The following FAM216A variants were observed in gnomAD, a reference collection of about 807,000 sequenced individuals.
The protein encoded by FAM216A is protein FAM216A.
Under a neutral mutation model 37.6 loss-of-function variants are expected in FAM216A, and 26 were observed. The ratio of observed to expected loss-of-function variants is 0.69; its 90% CI spans 0.51 to 0.96. FAM216A has a LOEUF of 0.96. FAM216A is among the 40% of genes least tolerant of loss of function. FAM216A has a pLI of 0.00. For synonymous variants in FAM216A, 110 were observed against 121.7 expected (o/e 0.90, Z 0.64); for missense variants, 326 against 339.3 (o/e 0.96, Z 0.31).
At position 110,486,590 on chromosome 12, in the gene FAM216A, T is replaced by G. The variant is rs141692297; in HGVS notation, c.493T>G (p.Tyr165Asp). The stretch of plus-strand genomic sequence containing the variant: ...CTCCCGTTACTCACAGAAACAGCAT[T>G]ACCCTTGCACTACATGGCGACATCA... The part of the protein sequence containing the change: ...LSSRYSQKQH[Y>D]PCTTWRHQLE... Residue 165 changes from tyrosine to aspartate, a missense_variant, in exon 5 of 7, where the codon TAC becomes GAC. Tyr to Asp is a radical substitution (Grantham distance 160). Coordinates refer to ENST00000377673, the MANE Select transcript of FAM216A (RefSeq NM_013300.3). The G allele has an allele frequency of 4.0e-4, 639 of 1,614,056 alleles. No individual in the cohort carries two copies. Among genetic ancestry groups the G allele is most frequent in the Non-Finnish European group, 4.4e-4 (520 of 1,180,016 alleles).
chr12:110,485,101 G>A lies in FAM216A; in HGVS notation c.208G>A (p.Val70Met), dbSNP rs1457079962. 6.2e-7 allele frequency: 1 copy of A among 1,612,210 alleles called. No individual in the cohort carries two copies. Among genetic ancestry groups the A allele is most frequent in the Non-Finnish European group, 8.5e-7 (1 of 1,179,474 alleles). The stretch of plus-strand genomic sequence containing the variant: ...AGATAGAATCAAAGATGGATACAAA[G>A]TGAACTCACACATAGCTAAGCTGCA... ...GSDRIKDGYK[V>M]NSHIAKLQEL... The change falls in exon 3 of 7, where the codon GTG becomes ATG. Residue 70 changes from valine to methionine, a missense_variant. Physicochemically the swap from Val to Met is conservative, Grantham distance 21. Transcript: ENST00000377673.
chr12:110,469,057 G>A (rs1400620361), intron 1 of FAM216A, 39 bp downstream of exon 1: 144 of 1,394,166 alleles, frequency 1.0e-4, no homozygotes, highest in Non-Finnish European at 1.1e-4. Flanking sequence ...GGCAGCATGG[G>A]GCCCCCGGGT....
chr12:110,469,768 C>G (rs1968048), intron 1 of FAM216A, among the ~76,000 whole-genome samples: 79,597 of 151,916 alleles, frequency 0.52, 23,410 homozygotes, highest in East Asian at 0.91. Flanking sequence ...CCTCGGCCTC[C>G]CAAATTGCTG....
chr12:110,471,333 C>G (rs983141080), intron 1 of FAM216A, among the ~76,000 whole-genome samples: 2 of 152,204 alleles, frequency 1.3e-5, no homozygotes, highest in African/African-American at 4.8e-5. Context: ...TCGTGATCCA[C>G]CCGCCTCGGC....
In FAM216A at chr12:110,486,721, T is replaced by C; in HGVS notation, c.620+4T>C. On this transcript the variant is annotated splice_donor_region_variant and intron_variant, in intron 5 of 6. Coordinates refer to ENST00000377673, the MANE Select transcript of FAM216A (RefSeq NM_013300.3). ...GGCCAGTGAGAAACAAAGAAGGGTCTGTTTCTTAGTGTAAAAGGGGGGAAA... is the reference window on the plus strand; with the variant it reads ...GGCCAGTGAGAAACAAAGAAGGGTCCGTTTCTTAGTGTAAAAGGGGGGAAA... 1.2e-6 allele frequency: 2 copies of C among 1,605,230 alleles called. No homozygotes were observed. The highest frequency in any genetic ancestry group is 1.7e-6 in the Non-Finnish European group (2 of 1,177,070).
intron 1 of FAM216A, among the ~76,000 whole-genome samples, chr12:110,469,624 C>T (rs1444131224): frequency 6.6e-6 from 1 of 152,058 alleles, no homozygotes; most frequent in Non-Finnish European, 1.5e-5. Flanking sequence ...ATTCTCCTGC[C>T]TCAGCCTCCC....
chr12:110,476,669 A>G (rs2062716576), intron 2 of FAM216A, among the ~76,000 whole-genome samples: 1 of 151,886 alleles, frequency 6.6e-6, no homozygotes, highest in African/African-American at 2.4e-5. Flanking sequence ...CTGGGATTAT[A>G]GGCACATGCC....
intron 2 of FAM216A, among the ~76,000 whole-genome samples, chr12:110,481,220 G>A (rs2135549964): frequency 6.6e-6 from 1 of 152,276 alleles, no homozygotes; most frequent in African/African-American, 2.4e-5. Flanking sequence ...AAGTAATGCT[G>A]CTATGAGCAT....
rs1436275608 is a variant in FAM216A at position 110,479,970 on chromosome 12, T to C, written c.185-5108T>C. ...AGCAGTATATTCAAAAGTTCTTGGG[T>C]TGGTTAACTATTTATTTGTGGTAAA... On this transcript the variant is annotated intron_variant, in intron 2 of 6. Transcript: ENST00000377673. Among the ~76,000 whole-genome samples, 4 of 151,774 alleles carry C rather than the reference T, an allele frequency of 2.6e-5. No individual in the cohort carries two copies. In the South Asian group the frequency reaches 8.4e-4, roughly 32 times the overall value.
At chr12:110,486,264 G>C in intron 3 of FAM216A, 61 bp from the exon 4 acceptor site, 2 of 1,487,380 alleles carry the variant, frequency 1.3e-6, no homozygotes, top group South Asian at 2.8e-5. Flanking sequence ...CTTCAGATAA[G>C]GAATATTGCC....
chr12:110,486,318 CTT>C lies in FAM216A; in HGVS notation c.307-4_307-3del, dbSNP rs2062776105. 6.3e-7 allele frequency: 1 copy of C among 1,592,066 alleles called. No homozygotes were observed. The highest frequency in any genetic ancestry group is 1.8e-5 in the Admixed American group (1 of 56,666). On this transcript the variant is annotated splice_polypyrimidine_tract_variant and splice_region_variant and intron_variant, in intron 3 of 6. Transcript: ENST00000377673. ...CAGACTATAAATCCTCTTATTCTGT[CTT>C]TTAGCATCCAGACCTCACCACAGGC...
chr12:110,471,616 A>G (rs1169222907), intron 1 of FAM216A, among the ~76,000 whole-genome samples: 1 of 152,182 alleles, frequency 6.6e-6, no homozygotes, highest in Non-Finnish European at 1.5e-5. Context: ...AAGTGATGTG[A>G]TCTTACTTTA....
At chr12:110,486,233 A>G (rs2062775784) in intron 3 of FAM216A, 92 bp from the exon 4 acceptor site, 9 of 1,335,878 alleles carry the variant, frequency 6.7e-6, no homozygotes, top group Non-Finnish European at 9.1e-6. Flanking sequence ...CAGTTGGCAC[A>G]ACTCTCTTGA....
intron 1 of FAM216A, among the ~76,000 whole-genome samples, chr12:110,471,852 G>A (rs1428907571): frequency 6.6e-6 from 1 of 152,194 alleles, no homozygotes; most frequent in Non-Finnish European, 1.5e-5. Flanking sequence ...TTTGTCTTAA[G>A]TTTAGAAAAG....
intron 1 of FAM216A, among the ~76,000 whole-genome samples, chr12:110,471,641 C>T (rs377752488): frequency 7.2e-5 from 11 of 152,222 alleles, no homozygotes; most frequent in African/African-American, 1.7e-4. Context: ...AAAAGGATCA[C>T]GCTGGTTGCT....
chr12:110,476,203 G>GT (rs59041502), intron 2 of FAM216A, among the ~76,000 whole-genome samples: 12,008 of 142,036 alleles, frequency 0.085, 524 homozygotes, highest in Middle Eastern at 0.12. Flanking sequence ...AGTTGTCAAT[G>GT]TTTTTTTTTT....
rs1455605518 is a variant in FAM216A at position 110,485,078 on chromosome 12, A to G, written c.185A>G (p.Asp62Gly). The change falls in exon 3 of 7, where the codon GAT becomes GGT. Residue 62 changes from aspartate to glycine, a missense_variant and splice_region_variant. Coordinates refer to ENST00000377673, the MANE Select transcript of FAM216A (RefSeq NM_013300.3). ...YSCYQNSKGS[D>G]RIKDGYKVNS... ...ATTCACATGATGTCTTTGCCTACAG[A>G]TAGAATCAAAGATGGATACAAAGTG... 1.9e-6 allele frequency: 3 copies of G among 1,602,692 alleles called. No individual in the cohort carries two copies. Among genetic ancestry groups the G allele is most frequent in the African/African-American group, 1.3e-5 (1 of 74,142 alleles).
At chr12:110,480,393 C>T (rs1191961493) in intron 2 of FAM216A, among the ~76,000 whole-genome samples, 1 of 151,676 alleles carries the variant, frequency 6.6e-6, no homozygotes, top group South Asian at 2.1e-4. Context: ...TTTCTAGAGA[C>T]GGGGTTTCAC....
At chr12:110,474,506 A>G (rs374185191) in intron 2 of FAM216A, among the ~76,000 whole-genome samples, 217 of 151,924 alleles carry the variant, frequency 1.4e-3, no homozygotes, top group African/African-American at 5.1e-3. Flanking sequence ...CCTGACCAAC[A>G]TGGTGAAACC....
Sources: gnomAD v4.1 joint callset for allele counts (sites outside exome capture counted in the v4.1 genomes callset) on GRCh38, gnomAD v4.1.1 for gene constraint, MANE v1.5 for transcripts, NCBI Gene and HGNC (gene_info 2026-07-23, HGNC 2026-07-21) for gene names.